The following ATL2 variants were observed in gnomAD, a reference collection of about 807,000 sequenced individuals.
ATL2 encodes atlastin GTPase 2.
ATL2 carries 31 observed loss-of-function variants against 73.9 expected under a neutral mutation model. The observed-to-expected ratio is 0.42, with a 90% CI of 0.32 to 0.57. The LOEUF is 0.57. Ranked by LOEUF, ATL2 falls within the 20% of genes least tolerant of loss-of-function variation. ATL2 has a pLI of 0.14. For synonymous variants in ATL2, 291 were observed against 237.5 expected (o/e 1.23, Z -2.07); for missense variants, 738 against 702.6 (o/e 1.05, Z -0.57).
At chr2:38,342,571 C>G (rs1429520037) in intron 2 of ATL2, among the ~76,000 whole-genome samples, 1 of 152,152 alleles carries the variant, frequency 6.6e-6, no homozygotes, top group Admixed American at 6.5e-5. Context: ...CTCTAAGGAA[C>G]TGGACTTTAT....
At chr2:38,365,387 G>A (rs1366757688) in intron 1 of ATL2, among the ~76,000 whole-genome samples, 1 of 152,114 alleles carries the variant, frequency 6.6e-6, no homozygotes, top group Non-Finnish European at 1.5e-5. Context: ...GGGCACAGTG[G>A]CTCACACCTG....
intron 1 of ATL2, among the ~76,000 whole-genome samples, chr2:38,345,720 T>C (rs944151520): frequency 3.9e-5 from 6 of 152,180 alleles, no homozygotes; most frequent in African/African-American, 1.4e-4. Flanking sequence ...ATTAGGTAGG[T>C]CCAGATAAAT....
chr2:38,305,248 A>G (rs1463423688), intron 9 of ATL2, among the ~76,000 whole-genome samples: 1 of 152,010 alleles, frequency 6.6e-6, no homozygotes, highest in Non-Finnish European at 1.5e-5. Flanking sequence ...AAGAAAGAGG[A>G]CCGGGCGCAG....
At chr2:38,367,958 G>C (rs765605282) in intron 1 of ATL2, among the ~76,000 whole-genome samples, 28 of 147,730 alleles carry the variant, frequency 1.9e-4, no homozygotes, top group African/African-American at 6.7e-4. Flanking sequence ...TTTTTTTTGA[G>C]GAGTCTCGCT....
chr2:38,312,777 G>C (rs947679748), intron 7 of ATL2, among the ~76,000 whole-genome samples: 2 of 151,604 alleles, frequency 1.3e-5, no homozygotes, highest in Non-Finnish European at 2.9e-5. Flanking sequence ...AGTTTCCTGA[G>C]GCCTCCCAGT....
chr2:38,316,566 C>T (rs1387454130), intron 4 of ATL2, among the ~76,000 whole-genome samples: 1 of 152,022 alleles, frequency 6.6e-6, no homozygotes. Flanking sequence ...AAAACTACCC[C>T]CCCCACCCAA....
chr2:38,313,128 C>T, intron 7 of ATL2, 23 bp downstream of exon 7: 1 of 1,557,528 alleles, frequency 6.4e-7, no homozygotes, highest in Non-Finnish European at 8.8e-7. Flanking sequence ...TTATGTTCTC[C>T]TCTTTAAGCA....
intron 2 of ATL2, among the ~76,000 whole-genome samples, chr2:38,329,423 CAAAAAAA>C (rs70954711): frequency 4.9e-3 from 67 of 13,674 alleles, no homozygotes; most frequent in South Asian, 0.015. Flanking sequence ...ACTCCATCTC[CAAAAAAA>C]AAAAAAAAAA....
At chr2:38,296,538 A>C in intron 12 of ATL2, 3 of 1,614,118 alleles carry the variant, frequency 1.9e-6, no homozygotes, top group South Asian at 2.2e-5. Flanking sequence ...TGCTGATGAA[A>C]GAGCACGGTG....
At chr2:38,303,481 C>G (rs967707987) in intron 9 of ATL2, among the ~76,000 whole-genome samples, 2 of 151,968 alleles carry the variant, frequency 1.3e-5, no homozygotes, top group African/African-American at 4.8e-5. Context: ...CATGAGCCAC[C>G]TCACCCAGCC....
chr2:38,354,062 C>T lies in ATL2; in HGVS notation c.119-10550G>A, dbSNP rs756239942. On this transcript the variant is annotated intron_variant, in intron 1 of 12. Coordinates refer to ENST00000378954, the MANE Select transcript of ATL2 (RefSeq NM_001135673.4). ...CAAAAAATTAGCCGGCGTGGTGGCA[C>T]GCACCTGTAATCCCAGCTACTTGGG... 2.8e-4 allele frequency: 88 copies of T among 314,014 alleles called. 2 individuals carry two copies. The highest frequency in any genetic ancestry group is 1.5e-3 in the South Asian group (67 of 43,514). The allele number at this position is 314,014 out of a possible 1,614,324, so 19.5% of individuals were successfully genotyped here. A position where few individuals can be genotyped will look rare whatever the true frequency, so the allele number is the denominator to read the frequency against.
chr2:38,367,975 C>A (rs1261238245), intron 1 of ATL2, among the ~76,000 whole-genome samples: 1 of 150,456 alleles, frequency 6.6e-6, no homozygotes, highest in East Asian at 2.0e-4. Flanking sequence ...CGCTCTCTCT[C>A]CCAGTCTGGA....
At chr2:38,361,935 A>G (rs1203752827) in intron 1 of ATL2, among the ~76,000 whole-genome samples, 3 of 152,204 alleles carry the variant, frequency 2.0e-5, no homozygotes, top group Non-Finnish European at 4.4e-5. Context: ...CAAGATTTCT[A>G]TCTTTTAAAC....
chr2:38,308,941 A>G (rs182254487), intron 9 of ATL2, among the ~76,000 whole-genome samples: 2,604 of 142,102 alleles, frequency 0.018, 61 homozygotes, highest in African/African-American at 0.063. Flanking sequence ...GAACAGAGGG[A>G]AAAAAAAAAA....
chr2:38,371,871 T>C lies in ATL2; in HGVS notation c.118+5272A>G, dbSNP rs1162626427. On this transcript the variant is annotated intron_variant, in intron 1 of 12. Transcript: ENST00000378954. ...AAGATCACGCCACTGTACTCCAGCCTGGGTGACAGAGGGAGGCTCTGTCTC... is the reference window on the plus strand; with the variant it reads ...AAGATCACGCCACTGTACTCCAGCCCGGGTGACAGAGGGAGGCTCTGTCTC... Among the ~76,000 whole-genome samples the C allele has an allele frequency of 2.6e-5, 4 of 152,322 alleles. No individual in the cohort carries two copies. The East Asian group carries it at 7.7e-4, about 29-fold the overall frequency.
intron 1 of ATL2, among the ~76,000 whole-genome samples, chr2:38,373,565 T>A (rs1016595106): frequency 6.6e-6 from 1 of 152,220 alleles, no homozygotes; most frequent in Admixed American, 6.5e-5. Context: ...TTGTTTCTAG[T>A]AACTATCATC....
chr2:38,343,301 T>C lies in ATL2; in HGVS notation c.330A>G (p.Leu110=), dbSNP rs1573533208. 1 of 1,611,816 alleles carries C rather than the reference T, an allele frequency of 6.2e-7. No individual in the cohort carries two copies. The highest frequency in any genetic ancestry group is 8.5e-7 in the Non-Finnish European group (1 of 1,179,440). ...ACATGTATCTAAGCATGAAGTCCAG[T>C]AGAAATGACTTCCCTTTACGAAAAG... ...AGAFRKGKSF[L]LDFMLRYMYN... The change falls in exon 2 of 13, where the codon CTA becomes CTG. Residue 110 remains leucine (L), a synonymous_variant. Coordinates refer to ENST00000378954, the MANE Select transcript of ATL2 (RefSeq NM_001135673.4).
At chr2:38,373,658 T>C (rs1405408273) in intron 1 of ATL2, among the ~76,000 whole-genome samples, 1 of 152,190 alleles carries the variant, frequency 6.6e-6, no homozygotes, top group Non-Finnish European at 1.5e-5. Context: ...AAAAACTGTA[T>C]CCAAGTTTAG....
intron 1 of ATL2, among the ~76,000 whole-genome samples, chr2:38,372,414 G>A (rs968067737): frequency 6.6e-6 from 1 of 152,084 alleles, no homozygotes. Flanking sequence ...ATGCACATAG[G>A]TTATATGCAA....
Sources: allele counts gnomAD v4.1 joint callset (sites outside exome capture counted in the v4.1 genomes callset), GRCh38; gene constraint gnomAD v4.1.1; transcripts MANE v1.5; gene names NCBI Gene and HGNC (gene_info 2026-07-23, HGNC 2026-07-21).